The following ESYT2 variants were observed in gnomAD, a reference collection of about 807,000 sequenced individuals.
The protein encoded by ESYT2 is extended synaptotagmin 2.
A neutral mutation model predicts 107.2 loss-of-function variants in ESYT2; 54 were observed. The ratio of observed to expected loss-of-function variants is 0.50; its 90% CI spans 0.40 to 0.63. The LOEUF is 0.63. Ranked by LOEUF, ESYT2 falls within the 30% of genes least tolerant of loss-of-function variation. The pLI, the probability that ESYT2 is intolerant of heterozygous loss-of-function variation, is 0.00. For synonymous variants in ESYT2, 491 were observed against 434.1 expected, an observed-to-expected ratio of 1.13 and a Z score of -1.63; for missense variants, 1,020 against 1,094.5, an observed-to-expected ratio of 0.93 and a Z score of 0.96.
chr7:158,824,623 T>C (rs989409422), intron 1 of ESYT2, among the ~76,000 whole-genome samples: 1 of 152,220 alleles, frequency 6.6e-6, no homozygotes, highest in Non-Finnish European at 1.5e-5. Context: ...GAAGCTAATA[T>C]GCTTTAATTC....
In ESYT2 at chr7:158,761,723, C is replaced by CA. The variant is rs1030212373; in HGVS notation, c.1185-180dup. On this transcript the variant is annotated intron_variant, in intron 10 of 22. Coordinates refer to ENST00000275418, the MANE Select transcript of ESYT2 (RefSeq NM_001367773.1). ...TATCAAGGAACAGACTATTTTTCCACAAGCTTCCTCCAGCTCACCCCCAGT... is the reference window on the plus strand; with the variant it reads ...TATCAAGGAACAGACTATTTTTCCACAAAGCTTCCTCCAGCTCACCCCCAGT... Among the ~76,000 whole-genome samples, 11 of 152,256 alleles carry CA rather than the reference C, an allele frequency of 7.2e-5. No individual in the cohort carries two copies. The East Asian group carries it at 2.1e-3, about 29-fold the overall frequency.
intron 1 of ESYT2, among the ~76,000 whole-genome samples, chr7:158,820,716 G>T (rs554556522): frequency 2.0e-5 from 3 of 152,214 alleles, no homozygotes; most frequent in African/African-American, 7.2e-5. Flanking sequence ...AGCCCAGTAG[G>T]TTGAGGCTGC....
At chr7:158,750,948 C>A (rs2129471704) in intron 14 of ESYT2, among the ~76,000 whole-genome samples, 1 of 152,342 alleles carries the variant, frequency 6.6e-6, no homozygotes, top group East Asian at 1.9e-4. Context: ...CCTACTGCTA[C>A]TTCTAAGTCA....
At position 158,743,513 on chromosome 7, in the gene ESYT2, C is replaced by A. The variant is rs1270946101; in HGVS notation, c.1794+16G>T. On this transcript the variant is annotated intron_variant, in intron 17 of 22. Coordinates refer to ENST00000275418, the MANE Select transcript of ESYT2 (RefSeq NM_001367773.1). ...TCCCCATCCCCTATGGTGTTCACTG[C>A]AGGACGACACGATACCCGCAGGGCA... 1 of 1,603,936 alleles carries A rather than the reference C, an allele frequency of 6.2e-7. No individual in the cohort carries two copies. The highest frequency in any genetic ancestry group is 1.1e-5 in the South Asian group (1 of 89,534).
At chr7:158,761,593 T>C in intron 10 of ESYT2, 49 bp from the exon 11 acceptor site, 2 of 1,521,684 alleles carry the variant, frequency 1.3e-6, no homozygotes, top group Non-Finnish European at 1.8e-6. Context: ...ACACATTTCT[T>C]ACTGAAACAA....
rs145877575 is a variant in ESYT2, at chr7:158,739,042, C to T, written c.2248G>A (p.Val750Met). The T allele has an allele frequency of 4.6e-5, 74 of 1,614,116 alleles. No individual in the cohort carries two copies. Among genetic ancestry groups the T allele is most frequent in the Non-Finnish European group, 5.7e-5 (67 of 1,179,986 alleles). The part of the protein sequence containing the change: ...RHSSQRNKLI[V>M]VVHACRNLIA... Reference sequence around the variant, plus strand: ...CCCCACCTGCAGGCATGCACGACCACGATAAGCTTGTTTCTCTGCGAGCTG... The same window carrying T: ...CCCCACCTGCAGGCATGCACGACCATGATAAGCTTGTTTCTCTGCGAGCTG... Residue 750 changes from valine to methionine, a missense_variant, in exon 19 of 23, where the codon GTG becomes ATG. Val to Met is a conservative substitution (Grantham distance 21, BLOSUM62 1). Coordinates refer to ENST00000275418, the MANE Select transcript of ESYT2 (RefSeq NM_001367773.1).
intron 4 of ESYT2, 71 bp from the exon 5 acceptor site, chr7:158,788,488 G>A: frequency 2.3e-6 from 3 of 1,288,664 alleles, no homozygotes; most frequent in Admixed American, 2.3e-5. Context: ...AGACCTGCAA[G>A]ATGTATAATC....
rs995110534 is a variant in ESYT2 at position 158,797,876 on chromosome 7, G to A, written c.507+66C>T. On this transcript the variant is annotated intron_variant, in intron 3 of 22. Transcript: ENST00000275418. ...CTCAAGAAAAAAAAAAAAAGAAAATGTGTTGTTTTGTGTTTTCACAGCAAT... is the reference window on the plus strand; with the variant it reads ...CTCAAGAAAAAAAAAAAAAGAAAATATGTTGTTTTGTGTTTTCACAGCAAT... 56 of 1,509,022 alleles carry A rather than the reference G, an allele frequency of 3.7e-5. No homozygotes were observed. In the Middle Eastern group the frequency reaches 8.8e-4, roughly 24 times the overall value. 93.5% of individuals were successfully genotyped at this position (1,509,022 alleles called of 1,614,324 possible). A position where few individuals can be genotyped will look rare whatever the true frequency, so the allele number is the denominator to read the frequency against.
At position 158,748,186 on chromosome 7, in the gene ESYT2, T is replaced by A; in HGVS notation, c.1644+8A>T. The stretch of plus-strand genomic sequence containing the variant: ...CAATAAATTGGTTAAAAAATGCAAA[T>A]AAAATACCTCAACTTCAAGGTCCTG... On this transcript the variant is annotated splice_region_variant and intron_variant, in intron 16 of 22. Transcript: ENST00000275418. The A allele has an allele frequency of 6.2e-7, 1 of 1,612,552 alleles. No individual in the cohort carries two copies. Among genetic ancestry groups the A allele is most frequent in the Non-Finnish European group, 8.5e-7 (1 of 1,179,412 alleles).
chr7:158,800,689 C>T (rs1839610947), intron 1 of ESYT2, among the ~76,000 whole-genome samples: 1 of 151,710 alleles, frequency 6.6e-6, no homozygotes, highest in Non-Finnish European at 1.5e-5. Flanking sequence ...TGTGCCCAGT[C>T]CACTTTTTTT....
At chr7:158,759,711 G>A (rs1587400730) in intron 12 of ESYT2, 130 bp from the exon 13 acceptor site, 2 of 671,338 alleles carry the variant, frequency 3.0e-6, no homozygotes, top group Non-Finnish European at 4.9e-6. Flanking sequence ...ATGCAACAGA[G>A]ACAGAACTAA....
chr7:158,760,205 T>G, intron 11 of ESYT2, 58 bp from the exon 12 acceptor site: 1 of 1,495,154 alleles, frequency 6.7e-7, no homozygotes, highest in Non-Finnish European at 9.3e-7. Flanking sequence ...AAATCCAAAT[T>G]AAACCCAGTC....
intron 6 of ESYT2, among the ~76,000 whole-genome samples, chr7:158,783,988 T>C (rs888069703): frequency 1.3e-5 from 2 of 152,052 alleles, no homozygotes; most frequent in African/African-American, 4.8e-5. Flanking sequence ...CCCAGGCTGG[T>C]AGAGACCTCT....
chr7:158,757,274 G>A (rs1354977478), intron 13 of ESYT2, among the ~76,000 whole-genome samples: 4 of 152,218 alleles, frequency 2.6e-5, no homozygotes, highest in Non-Finnish European at 5.9e-5. Flanking sequence ...AGAAGTTCCA[G>A]TCCACATTCT....
chr7:158,799,287 A>C (rs1839563015), intron 1 of ESYT2, among the ~76,000 whole-genome samples: 1 of 152,214 alleles, frequency 6.6e-6, no homozygotes, highest in South Asian at 2.1e-4. Context: ...AATGAGCAAA[A>C]AAGTTGTGTG....
chr7:158,751,410 A>G (rs1445478414), intron 14 of ESYT2, among the ~76,000 whole-genome samples: 1 of 152,246 alleles, frequency 6.6e-6, no homozygotes, highest in Non-Finnish European at 1.5e-5. Flanking sequence ...TGCAATATTC[A>G]AAATCCATCA....
intron 1 of ESYT2, among the ~76,000 whole-genome samples, chr7:158,807,169 T>G (rs1839853568): frequency 6.9e-6 from 1 of 144,324 alleles, no homozygotes; most frequent in East Asian, 2.0e-4. Flanking sequence ...GAGAATGGCA[T>G]GAACCCGGGA....
intron 1 of ESYT2, among the ~76,000 whole-genome samples, chr7:158,806,061 C>T (rs752257926): frequency 1.3e-5 from 2 of 151,942 alleles, no homozygotes; most frequent in East Asian, 1.9e-4. Context: ...GCAGAGCCGG[C>T]GCCGGGGCAC....
rs1400069529 is a variant in ESYT2 at position 158,767,712 on chromosome 7, A to G, written c.866T>C (p.Ile289Thr). ...AACTTCACTGACAAGTGGAACGGTG[A>G]TTCGATTGGGAAGCACCAGATAGTT... ...ISNYLVLPNR[I>T]TVPLVSEVQI... The change falls in exon 8 of 23, where the codon ATC (isoleucine) becomes ACC (threonine). Residue 289 changes from isoleucine to threonine, a missense_variant. Physicochemically the swap from Ile to Thr is moderately conservative, Grantham distance 89. Coordinates refer to ENST00000275418, the MANE Select transcript of ESYT2 (RefSeq NM_001367773.1). 1 of 1,613,402 alleles carries G rather than the reference A, an allele frequency of 6.2e-7. No individual in the cohort carries two copies.
Sources: allele counts gnomAD v4.1 joint callset (sites outside exome capture counted in the v4.1 genomes callset), GRCh38; gene constraint gnomAD v4.1.1; transcripts MANE v1.5; gene names NCBI Gene and HGNC (gene_info 2026-07-23, HGNC 2026-07-21).